The following METTL15 variants were observed in gnomAD, a reference collection of about 807,000 sequenced individuals.
The protein encoded by METTL15 is 12S rRNA N(4)-cytidine methyltransferase METTL15.
METTL15 carries 34 observed loss-of-function variants against 38.3 expected under a neutral mutation model. The ratio of observed to expected loss-of-function variants is 0.89; its 90% confidence interval spans 0.68 to 1.18. METTL15 has a LOEUF of 1.18. Among genes scored for constraint, METTL15 ranks in the 50% most tolerant of loss-of-function variants. The pLI, the probability that METTL15 is intolerant of heterozygous loss-of-function variation, is 0.00. For synonymous variants in METTL15, 162 were observed against 170.9 expected, an observed-to-expected ratio of 0.95 and a Z score of 0.41; for missense variants, 438 against 498.4, an observed-to-expected ratio of 0.88 and a Z score of 1.15.
At chr11:28,142,243 A>G (rs1025387579) in intron 3 of METTL15, among the ~76,000 whole-genome samples, 22 of 152,210 alleles carry the variant, frequency 1.4e-4, no homozygotes, top group Admixed American at 1.4e-3. Flanking sequence ...GATTGGTTTT[A>G]TAGATAGAAA....
intron 3 of METTL15, among the ~76,000 whole-genome samples, chr11:28,210,016 A>T (rs1852558298): frequency 6.6e-6 from 1 of 152,034 alleles, no homozygotes; most frequent in Non-Finnish European, 1.5e-5. Context: ...ACTTTGAGGG[A>T]ATATGTGGAG....
At chr11:28,221,628 T>C (rs576063443) in intron 4 of METTL15, among the ~76,000 whole-genome samples, 13 of 152,340 alleles carry the variant, frequency 8.5e-5, no homozygotes, top group South Asian at 2.1e-4. Context: ...GGAGAGGCAC[T>C]CTTATTTTTA....
intron 4 of METTL15, among the ~76,000 whole-genome samples, chr11:28,237,587 C>T (rs536634681): frequency 9.8e-5 from 15 of 152,290 alleles, no homozygotes; most frequent in African/African-American, 3.6e-4. Flanking sequence ...CGTCTGAAGC[C>T]TTCTTCTCTC....
intron 5 of METTL15, chr11:28,410,542 C>A (rs1363237938): frequency 6.6e-6 from 1 of 152,000 alleles, no homozygotes. Flanking sequence ...TCAATTGACT[C>A]AAAAAATATT....
At chr11:28,448,367 T>G (rs143462537) in intron 6 of METTL15, among the ~76,000 whole-genome samples, 2 of 152,338 alleles carry the variant, frequency 1.3e-5, no homozygotes, top group South Asian at 2.1e-4. Context: ...AAATATTTAT[T>G]GAGTTCTCAT....
intron 4 of METTL15, among the ~76,000 whole-genome samples, chr11:28,271,722 G>A (rs556178248): frequency 3.9e-5 from 6 of 152,112 alleles, no homozygotes; most frequent in African/African-American, 1.4e-4. Flanking sequence ...TTGAAAATTG[G>A]GATCTAATTA....
chr11:28,222,264 C>T (rs1398940473), intron 4 of METTL15, among the ~76,000 whole-genome samples: 1 of 152,190 alleles, frequency 6.6e-6, no homozygotes, highest in Non-Finnish European at 1.5e-5. Flanking sequence ...GGGCGCCCCT[C>T]CCCCAGCCTG....
At chr11:28,185,681 T>C (rs570589271) in intron 3 of METTL15, among the ~76,000 whole-genome samples, 1 of 151,330 alleles carries the variant, frequency 6.6e-6, no homozygotes, top group Non-Finnish European at 1.5e-5. Context: ...TTAAATTGTT[T>C]TATCTTGTAT....
intron 2 of METTL15, among the ~76,000 whole-genome samples, chr11:28,112,658 A>G (rs1442555472): frequency 6.6e-6 from 1 of 152,168 alleles, no homozygotes; most frequent in African/African-American, 2.4e-5. Flanking sequence ...TAGACATGAA[A>G]TACCGAAGTG....
intron 5 of METTL15, among the ~76,000 whole-genome samples, chr11:28,423,570 G>T (rs920148897): frequency 6.6e-6 from 1 of 151,994 alleles, no homozygotes; most frequent in Non-Finnish European, 1.5e-5. Context: ...ATAGACTGGA[G>T]GTTATTATGT....
intron 3 of METTL15, among the ~76,000 whole-genome samples, chr11:28,341,325 T>A (rs1849951003): frequency 6.6e-6 from 1 of 152,228 alleles, no homozygotes; most frequent in Non-Finnish European, 1.5e-5. Flanking sequence ...TTAAAAAAAA[T>A]TTGCTATTCT....
intron 6 of METTL15, among the ~76,000 whole-genome samples, chr11:28,496,520 T>C (rs1851536919): frequency 6.6e-6 from 1 of 152,118 alleles, no homozygotes; most frequent in Non-Finnish European, 1.5e-5. Context: ...AGTTTACAGG[T>C]TTTGCAAGGA....
intron 4 of METTL15, among the ~76,000 whole-genome samples, chr11:28,217,152 G>A (rs560151314): frequency 3.3e-5 from 5 of 152,108 alleles, no homozygotes; most frequent in Non-Finnish European, 5.9e-5. Flanking sequence ...CTTCCATAAC[G>A]GTTGAACTAG....
chr11:28,446,876 G>A (rs146498499), intron 6 of METTL15, among the ~76,000 whole-genome samples: 270 of 151,676 alleles, frequency 1.8e-3, no homozygotes, highest in Non-Finnish European at 2.3e-3. Context: ...TAGTTTTTAC[G>A]TCTGCAATTC....
chr11:28,270,759 A>G (rs984389166), intron 4 of METTL15, among the ~76,000 whole-genome samples: 2 of 152,176 alleles, frequency 1.3e-5, no homozygotes, highest in Non-Finnish European at 2.9e-5. Flanking sequence ...GTCATTTGTT[A>G]TATTAGACCT....
At chr11:28,505,241 C>T (rs1851618977) in intron 6 of METTL15, among the ~76,000 whole-genome samples, 1 of 152,168 alleles carries the variant, frequency 6.6e-6, no homozygotes, top group East Asian at 1.9e-4. Flanking sequence ...GAAGATCTAT[C>T]ACTTTCATGA....
intron 4 of METTL15, among the ~76,000 whole-genome samples, chr11:28,261,947 A>G (rs901860198): frequency 3.9e-5 from 6 of 152,216 alleles, no homozygotes; most frequent in Admixed American, 1.3e-4. Flanking sequence ...AAACTAAGAC[A>G]TAAAGAGGTT....
chr11:28,171,076 A>G (rs1385537183), intron 3 of METTL15, among the ~76,000 whole-genome samples: 2 of 152,166 alleles, frequency 1.3e-5, no homozygotes, highest in African/African-American at 4.8e-5. Flanking sequence ...CCCTTGGACT[A>G]TTAGGTTTCC....
intron 3 of METTL15, among the ~76,000 whole-genome samples, chr11:28,157,583 A>G (rs1425224705): frequency 2.0e-5 from 3 of 152,090 alleles, no homozygotes; most frequent in African/African-American, 7.2e-5. Flanking sequence ...ATTTGACTAT[A>G]TGTCATCACC....
Sources: allele counts gnomAD v4.1 joint callset (sites outside exome capture counted in the v4.1 genomes callset), GRCh38; gene constraint gnomAD v4.1.1; transcripts MANE v1.5; gene names NCBI Gene and HGNC (gene_info 2026-07-23, HGNC 2026-07-21).